Variants in CCDC148 observed in about 807,000 individuals in gnomAD.
CCDC148 encodes the protein coiled-coil domain-containing protein 148.
A neutral mutation model predicts 85.7 loss-of-function variants in CCDC148; 89 were observed. The ratio of observed to expected loss-of-function variants is 1.04; its 90% CI spans 0.87 to 1.24. The LOEUF is 1.24. Among genes scored for constraint, CCDC148 ranks in the 50% most tolerant of loss-of-function variants. The pLI is 0.00. For synonymous variants in CCDC148, 230 were observed against 213.9 expected (o/e 1.08, Z -0.66); for missense variants, 692 against 671.7 (o/e 1.03, Z -0.33).
chr2:158,442,578 C>T (rs1363765700), intron 1 of CCDC148, among the ~76,000 whole-genome samples: 1 of 152,126 alleles, frequency 6.6e-6, no homozygotes, highest in East Asian at 1.9e-4. Context: ...GGCTTTTGCC[C>T]AACATTTGCA....
At chr2:158,241,126 G>C (rs1489986952) in intron 10 of CCDC148, among the ~76,000 whole-genome samples, 1 of 152,106 alleles carries the variant, frequency 6.6e-6, no homozygotes, top group Non-Finnish European at 1.5e-5. Flanking sequence ...TTAGGTTAAG[G>C]CTTTGTTGAT....
In CCDC148 at chr2:158,224,251, A is replaced by G. The variant is rs191830724; in HGVS notation, c.1252-3538T>C. On this transcript the variant is annotated intron_variant, in intron 10 of 13. Transcript: ENST00000283233. ...CAAATGAATGAAATGAAGCGAGAAG[A>G]GAAGTTTAGAGACAAACGAATAAAA... 9.6e-4 allele frequency among the ~76,000 whole-genome samples: 146 copies of G among 152,354 alleles called. 1 individual carries two copies. The highest frequency in any genetic ancestry group is 3.4e-3 in the African/African-American group (140 of 41,580).
At chr2:158,317,544 G>A (rs1003986717) in intron 7 of CCDC148, among the ~76,000 whole-genome samples, 1 of 152,134 alleles carries the variant, frequency 6.6e-6, no homozygotes, top group African/African-American at 2.4e-5. Flanking sequence ...CCTGACCCAA[G>A]CCAATTGTCT....
At chr2:158,194,729 C>T (rs775441168) in intron 11 of CCDC148, among the ~76,000 whole-genome samples, 1 of 152,090 alleles carries the variant, frequency 6.6e-6, no homozygotes, top group East Asian at 1.9e-4. Flanking sequence ...TAGTGACCAG[C>T]CCCTTGGATA....
At chr2:158,264,345 G>A (rs1689363217) in intron 9 of CCDC148, among the ~76,000 whole-genome samples, 5 of 151,964 alleles carry the variant, frequency 3.3e-5, no homozygotes, top group Admixed American at 3.3e-4. Context: ...TAGCTATACA[G>A]GAGACCAAGA....
chr2:158,220,424 A>G (rs1452956854), intron 11 of CCDC148, among the ~76,000 whole-genome samples, 171 bp downstream of exon 11: 1 of 152,238 alleles, frequency 6.6e-6, no homozygotes, highest in Non-Finnish European at 1.5e-5. Flanking sequence ...ATGTATGACT[A>G]TGAGAATTTA....
intron 10 of CCDC148, among the ~76,000 whole-genome samples, chr2:158,228,144 A>G (rs912485846): frequency 6.8e-4 from 103 of 152,284 alleles, no homozygotes; most frequent in African/African-American, 2.4e-3. Flanking sequence ...AAAAGTGGGC[A>G]AAAGATATGA....
At chr2:158,180,380 T>C (rs1485866660) in intron 11 of CCDC148, among the ~76,000 whole-genome samples, 2 of 152,138 alleles carry the variant, frequency 1.3e-5, no homozygotes, top group East Asian at 3.9e-4. Flanking sequence ...CATAGACATG[T>C]GATCTTAAGA....
intron 1 of CCDC148, among the ~76,000 whole-genome samples, chr2:158,443,819 C>T (rs533694025): frequency 3.3e-5 from 5 of 152,294 alleles, no homozygotes; most frequent in Admixed American, 6.5e-5. Context: ...CTTGAGGAAG[C>T]AGGCAGGACA....
chr2:158,335,469 TA>T (rs1682326697), intron 7 of CCDC148, among the ~76,000 whole-genome samples: 1 of 152,120 alleles, frequency 6.6e-6, no homozygotes, highest in South Asian at 2.1e-4. Flanking sequence ...GGGTAATTTA[TA>T]AAAGAAAGAT....
chr2:158,424,219 A>G (rs1031764288), intron 1 of CCDC148, among the ~76,000 whole-genome samples: 2 of 152,212 alleles, frequency 1.3e-5, no homozygotes, highest in Non-Finnish European at 2.9e-5. Flanking sequence ...ATTACTGAGT[A>G]TACACCCAAA....
At chr2:158,226,992 A>T (rs1045796135) in intron 10 of CCDC148, among the ~76,000 whole-genome samples, 3 of 152,110 alleles carry the variant, frequency 2.0e-5, no homozygotes, top group African/African-American at 7.2e-5. Flanking sequence ...AGGGTATTCA[A>T]TTAGGAAAAG....
chr2:158,409,972 C>T (rs1686189858), intron 1 of CCDC148, among the ~76,000 whole-genome samples: 1 of 152,162 alleles, frequency 6.6e-6, no homozygotes, highest in Admixed American at 6.5e-5. Context: ...CTGTTGCCAC[C>T]ACCATGTAAG....
At chr2:158,359,713 C>G (rs998918986) in intron 1 of CCDC148, among the ~76,000 whole-genome samples, 1 of 152,192 alleles carries the variant, frequency 6.6e-6, no homozygotes, top group Non-Finnish European at 1.5e-5. Flanking sequence ...TCCTCAAATG[C>G]CTATGCCACC....
At chr2:158,200,671 A>G (rs1685909826) in intron 11 of CCDC148, among the ~76,000 whole-genome samples, 1 of 152,230 alleles carries the variant, frequency 6.6e-6, no homozygotes, top group South Asian at 2.1e-4. Context: ...ATCATGAGGC[A>G]CACTGTCAGT....
At chr2:158,341,190 A>G (rs1019489828) in intron 3 of CCDC148, among the ~76,000 whole-genome samples, 64 of 152,158 alleles carry the variant, frequency 4.2e-4, no homozygotes, top group Non-Finnish European at 2.9e-5. Flanking sequence ...TCATGAGCTT[A>G]TATATGTATA....
intron 1 of CCDC148, among the ~76,000 whole-genome samples, chr2:158,412,173 G>A (rs770881381): frequency 6.6e-6 from 1 of 152,158 alleles, no homozygotes; most frequent in African/African-American, 2.4e-5. Flanking sequence ...TTCAGCCAAG[G>A]AGACTCTTTT....
chr2:158,175,443 C>A (rs1455772935), intron 13 of CCDC148, among the ~76,000 whole-genome samples: 3 of 152,018 alleles, frequency 2.0e-5, no homozygotes, highest in Non-Finnish European at 4.4e-5. Flanking sequence ...CCTTCTCTGA[C>A]TTCTCCAGTC....
chr2:158,345,145 G>T, intron 3 of CCDC148, 70 bp downstream of exon 3: 3 of 1,043,712 alleles, frequency 2.9e-6, no homozygotes, highest in South Asian at 1.6e-5. Flanking sequence ...GAACATTATA[G>T]AACATCTGAC....
Sources: allele counts gnomAD v4.1 joint callset (sites outside exome capture counted in the v4.1 genomes callset), GRCh38; gene constraint gnomAD v4.1.1; transcripts MANE v1.5; gene names NCBI Gene and HGNC (gene_info 2026-07-23, HGNC 2026-07-21).